Variants in ZNF665 observed in about 807,000 individuals in gnomAD.
ZNF665 encodes the protein zinc finger protein 665.
ZNF665 carries 6 observed loss-of-function variants against 7.9 expected under a neutral mutation model. The observed-to-expected ratio is 0.76, with a 90% CI of 0.42 to 1.50. The LOEUF (loss-of-function observed/expected upper bound fraction) is 1.50. Ranked by LOEUF, ZNF665 falls within the 40% of genes most tolerant of loss-of-function variation. The pLI, the probability that ZNF665 is intolerant of heterozygous loss-of-function variation, is 0.01. For synonymous variants in ZNF665, 242 were observed against 274.5 expected, an observed-to-expected ratio of 0.88 and a Z score of 1.17; for missense variants, 819 against 806.7, an observed-to-expected ratio of 1.02 and a Z score of -0.18.
chr19:53,182,582 G>T, intron 2 of ZNF665: 1 of 715,494 alleles, frequency 1.4e-6, no homozygotes, highest in South Asian at 1.5e-5. Context: ...ATTCAAATAT[G>T]TCCTGAACAA....
chr19:53,185,293 C>T (rs1388558928), intron 1 of ZNF665, among the ~76,000 whole-genome samples: 1 of 151,948 alleles, frequency 6.6e-6, no homozygotes, highest in African/African-American at 2.4e-5. Context: ...TCTTCCCAGA[C>T]GCTGGCGTCA....
At chr19:53,184,748 C>T (rs1384514113) in intron 1 of ZNF665, among the ~76,000 whole-genome samples, 1 of 152,112 alleles carries the variant, frequency 6.6e-6, no homozygotes, top group African/African-American at 2.4e-5. Context: ...GGGACCACTA[C>T]CACCAAGACG....
intron 1 of ZNF665, among the ~76,000 whole-genome samples, chr19:53,189,772 G>A (rs535751273): frequency 8.5e-4 from 129 of 151,192 alleles, no homozygotes; most frequent in African/African-American, 3.0e-3. Context: ...AAACTCCCCC[G>A]GGGAAAGGGA....
At chr19:53,174,708 T>C (rs955320965) in intron 3 of ZNF665, among the ~76,000 whole-genome samples, 10 of 151,518 alleles carry the variant, frequency 6.6e-5, no homozygotes, top group African/African-American at 2.2e-4. Flanking sequence ...GGAGGCTGAG[T>C]TGGGCAGATC....
In ZNF665 at chr19:53,189,051, C is replaced by CTGTGTGTGTGTCTG. The variant is rs757222280; in HGVS notation, c.-46+4260_-46+4261insCAGACACACACACA. On this transcript the variant is annotated intron_variant, in intron 1 of 3. Coordinates refer to ENST00000396424, the MANE Select transcript of ZNF665 (RefSeq NM_024733.5). Reference sequence around the variant, plus strand: ...AGATGAGAAAGAAAGGCTTTATTTTCTGTGTGTGTGTGTGTGTGTGTGTGT... The same window carrying CTGTGTGTGTGTCTG: ...AGATGAGAAAGAAAGGCTTTATTTTCTGTGTGTGTGTCTGTGTGTGTGTGTGTGTGTGTGTGTGT... Among the ~76,000 whole-genome samples, 1,034 of 137,738 alleles carry CTGTGTGTGTGTCTG rather than the reference C, an allele frequency of 7.5e-3. 17 individuals carry two copies. The highest frequency in any genetic ancestry group is 0.023 in the African/African-American group (899 of 38,264). 90.4% of individuals were successfully genotyped at this position (137,738 alleles called of 152,430 possible).
At chr19:53,183,805 A>T (rs1313737652) in intron 1 of ZNF665, among the ~76,000 whole-genome samples, 1 of 152,158 alleles carries the variant, frequency 6.6e-6, no homozygotes, top group African/African-American at 2.4e-5. Context: ...CTGAGGCAGG[A>T]GCAACTTGGG....
At chr19:53,189,075 G>C (rs994599017) in intron 1 of ZNF665, among the ~76,000 whole-genome samples, 1 of 151,824 alleles carries the variant, frequency 6.6e-6, no homozygotes, top group Non-Finnish European at 1.5e-5. Flanking sequence ...GTGTGTGTGT[G>C]TGTGTGTGTG....
chr19:53,180,949 G>C (rs891093422), intron 2 of ZNF665: 1 of 151,990 alleles, frequency 6.6e-6, no homozygotes, highest in South Asian at 2.1e-4. Context: ...TATCATACAT[G>C]AATAGATTTC....
Position 53,164,410 on chromosome 19 carries a change from T to G in ZNF665, c.*43A>C. On this transcript the variant is annotated 3_prime_UTR_variant, in exon 4 of 4. Transcript: ENST00000396424. ...GCCTCGGCCTCCCAAAGTGCTGGGA[T>G]TACAGGCGTGAGCCACCACGCCCGG... The G allele has an allele frequency of 6.8e-7, 1 of 1,467,948 alleles. No individual in the cohort carries two copies. Among genetic ancestry groups the G allele is most frequent in the Non-Finnish European group, 9.1e-7 (1 of 1,100,224 alleles). The allele number at this position is 1,467,948 out of a possible 1,614,324, so 90.9% of individuals were successfully genotyped here. A position where few individuals can be genotyped will look rare whatever the true frequency, so the allele number is the denominator to read the frequency against.
chr19:53,175,089 G>C (rs1284351556), intron 3 of ZNF665, among the ~76,000 whole-genome samples: 3 of 151,980 alleles, frequency 2.0e-5, no homozygotes, highest in African/African-American at 7.2e-5. Flanking sequence ...TTCAACAGTT[G>C]ATCCACGGAA....
chr19:53,174,831 C>T (rs188648376), intron 3 of ZNF665, among the ~76,000 whole-genome samples: 6 of 151,296 alleles, frequency 4.0e-5, no homozygotes, highest in Admixed American at 6.6e-5. Flanking sequence ...CCCAGCTACT[C>T]GGGAGGCTGA....
chr19:53,168,848 G>T (rs1197922132), intron 3 of ZNF665, among the ~76,000 whole-genome samples: 2 of 152,076 alleles, frequency 1.3e-5, no homozygotes, highest in African/African-American at 4.8e-5. Context: ...ATGGAGAAAA[G>T]ACAGTCTTTT....
chr19:53,184,768 G>A (rs578160928), intron 1 of ZNF665, among the ~76,000 whole-genome samples: 1 of 152,200 alleles, frequency 6.6e-6, no homozygotes, highest in South Asian at 2.1e-4. Context: ...GTGGAGACCG[G>A]TAGTGGCCCC....
chr19:53,165,475 T>C lies in ZNF665; in HGVS notation c.1015A>G (p.Ile339Val). The C allele has an allele frequency of 6.2e-7, 1 of 1,613,184 alleles. No individual in the cohort carries two copies. The highest frequency in any genetic ancestry group is 8.5e-7 in the Non-Finnish European group (1 of 1,179,386). ...TTGTAAGGTTTTTCTCCAGTGTGGA[T>C]TGTCTGATGGGTAGTCAGGCTTGAG... Reference protein sequence around the residue: ...VRSSLTTHQTIHTGEKPYKCN... With the variant: ...VRSSLTTHQTVHTGEKPYKCN... The change falls in exon 4 of 4, where the codon ATC (isoleucine) becomes GTC (valine). Residue 339 changes from isoleucine (I) to valine (V), a missense_variant. Ile to Val is a conservative substitution (Grantham distance 29). Coordinates refer to ENST00000396424, the MANE Select transcript of ZNF665 (RefSeq NM_024733.5).
chr19:53,170,770 T>C (rs1325543450), intron 3 of ZNF665, among the ~76,000 whole-genome samples: 2 of 152,196 alleles, frequency 1.3e-5, no homozygotes, highest in African/African-American at 2.4e-5. Flanking sequence ...TTTAAATCCT[T>C]TGGATCTATA....
intron 1 of ZNF665, among the ~76,000 whole-genome samples, chr19:53,183,675 G>T (rs1312975183): frequency 1.3e-5 from 2 of 152,042 alleles, no homozygotes; most frequent in African/African-American, 4.8e-5. Flanking sequence ...TCAGGGAGAG[G>T]GTCACGGAAG....
rs2090608772 is a variant in ZNF665, at chr19:53,165,833, T to C, written c.657A>G (p.Ser219=). 6.2e-7 allele frequency: 1 copy of C among 1,614,048 alleles called. No homozygotes were observed. The highest frequency in any genetic ancestry group is 1.3e-5 in the African/African-American group (1 of 74,936). The part of the protein sequence containing the change: ...NKCGKAFTVR[S]NLTIHQVIHT... The stretch of plus-strand genomic sequence containing the variant: ...GGATGACCTGATGGATTGTTAGGTT[T>C]GAACGAACAGTAAAGGCTTTGCCAC... Residue 219 remains serine, a synonymous_variant, in exon 4 of 4, where the codon TCA becomes TCG. Coordinates refer to ENST00000396424, the MANE Select transcript of ZNF665 (RefSeq NM_024733.5).
At chr19:53,183,849 G>A (rs1012611323) in intron 1 of ZNF665, among the ~76,000 whole-genome samples, 10 of 152,152 alleles carry the variant, frequency 6.6e-5, no homozygotes, top group Non-Finnish European at 5.9e-5. Flanking sequence ...TGAGTGGCTG[G>A]AGCAGAGGGA....
chr19:53,173,372 C>CTTTT (rs34425717), intron 3 of ZNF665, among the ~76,000 whole-genome samples: 176 of 78,858 alleles, frequency 2.2e-3, no homozygotes, highest in African/African-American at 4.1e-3. Flanking sequence ...TTTTTTCACT[C>CTTTT]TTTTTTTTTT....
Sources: gnomAD v4.1 joint callset for allele counts (sites outside exome capture counted in the v4.1 genomes callset) on GRCh38, gnomAD v4.1.1 for gene constraint, MANE v1.5 for transcripts, NCBI Gene and HGNC (gene_info 2026-07-23, HGNC 2026-07-21) for gene names.